Variants in KIF3C observed in about 807,000 individuals in gnomAD.
The protein encoded by KIF3C is kinesin-like protein KIF3C.
A neutral mutation model predicts 67.7 loss-of-function variants in KIF3C; 12 were observed. The observed-to-expected ratio is 0.18, with a 90% CI of 0.11 to 0.29. KIF3C has a LOEUF of 0.29. Ranked by LOEUF, KIF3C falls within the 10% of genes least tolerant of loss-of-function variation. KIF3C has a pLI of 1.00. For synonymous variants in KIF3C, 393 were observed against 426.2 expected, an observed-to-expected ratio of 0.92 and a Z score of 0.96; for missense variants, 789 against 1,059.6, an observed-to-expected ratio of 0.74 and a Z score of 3.55.
intron 5 of KIF3C, among the ~76,000 whole-genome samples, chr2:25,936,356 C>CGT (rs1033160836): frequency 6.6e-6 from 1 of 151,868 alleles, no homozygotes; most frequent in Non-Finnish European, 1.5e-5. Flanking sequence ...TAAGGAAATG[C>CGT]GTGTGTGTGT....
In KIF3C at chr2:25,981,555, C is replaced by A; in HGVS notation, c.363G>T (p.Pro121=). 2 of 1,614,196 alleles carry A rather than the reference C, an allele frequency of 1.2e-6. No individual in the cohort carries two copies. Among genetic ancestry groups the A allele is most frequent in the South Asian group, 1.1e-5 (1 of 91,080 alleles). The change falls in exon 1 of 8, where the codon CCG becomes CCT. Residue 121 remains proline (P), a synonymous_variant. Transcript: ENST00000264712. The surrounding 1 kb of genome is among the most constrained non-coding windows in gnomAD (Gnocchi z 8.2). ...GGGTGAAGATGTGCTCAAAGGCATT[C>A]GGGATGACCCCGCGCAGCTCGGGCT... ...WVEPELRGVI[P]NAFEHIFTHI...
At chr2:25,977,537 G>T (rs981137554) in intron 1 of KIF3C, among the ~76,000 whole-genome samples, 4 of 152,194 alleles carry the variant, frequency 2.6e-5, no homozygotes, top group Non-Finnish European at 4.4e-5. Context: ...CAGCTGGGAT[G>T]GCAGGGTAAA....
intron 1 of KIF3C, among the ~76,000 whole-genome samples, chr2:25,971,716 CTTTTT>C (rs1415235403): frequency 6.6e-6 from 1 of 151,620 alleles, no homozygotes; most frequent in Non-Finnish European, 1.5e-5. Context: ...GTTTCATTTT[CTTTTT>C]TTGTGAGTTG....
chr2:25,964,477 T>A (rs1664092486), intron 1 of KIF3C, among the ~76,000 whole-genome samples: 1 of 152,130 alleles, frequency 6.6e-6, no homozygotes, highest in African/African-American at 2.4e-5. Context: ...ATTTTTCTTT[T>A]TCCATTAGAG....
intron 1 of KIF3C, among the ~76,000 whole-genome samples, chr2:25,977,951 T>C (rs1664458444): frequency 6.6e-6 from 1 of 152,186 alleles, no homozygotes; most frequent in African/African-American, 2.4e-5. Flanking sequence ...ATCATTCCTG[T>C]TGTGGAATTT....
At chr2:25,954,962 T>C (rs1663769059) in intron 3 of KIF3C, among the ~76,000 whole-genome samples, 1 of 152,192 alleles carries the variant, frequency 6.6e-6, no homozygotes, top group African/African-American at 2.4e-5. Context: ...CTGCCAGGCC[T>C]GCCCCTGGGC....
intron 1 of KIF3C, among the ~76,000 whole-genome samples, chr2:25,967,803 G>A (rs60021336): frequency 0.041 from 6,224 of 152,228 alleles, 261 homozygotes; most frequent in African/African-American, 0.11. Context: ...TCCTGCCTAG[G>A]TGACAGAGTG....
chr2:25,965,909 G>C (rs2149239800), intron 1 of KIF3C, among the ~76,000 whole-genome samples: 1 of 152,186 alleles, frequency 6.6e-6, no homozygotes, highest in East Asian at 1.9e-4. Context: ...GCCAGCACAG[G>C]CTGTGGGGGT....
intron 5 of KIF3C, among the ~76,000 whole-genome samples, chr2:25,944,646 C>T (rs1663380849): frequency 6.6e-6 from 1 of 152,116 alleles, no homozygotes; most frequent in African/African-American, 2.4e-5. Context: ...CCACTGTACC[C>T]AGCCTATAAT....
intron 1 of KIF3C, among the ~76,000 whole-genome samples, chr2:25,963,729 G>A (rs1664069439): frequency 1.3e-5 from 2 of 149,838 alleles, no homozygotes; most frequent in Admixed American, 1.3e-4. Flanking sequence ...GTCTCACTTC[G>A]TTGCCCAGGC....
Position 25,981,405 on chromosome 2 carries a change from G to A in KIF3C, c.513C>T (p.Pro171=), listed in dbSNP as rs375651573. The change falls in exon 1 of 8, where the codon CCC becomes CCT. Residue 171 remains proline, a synonymous_variant. Coordinates refer to ENST00000264712, the MANE Select transcript of KIF3C (RefSeq NM_002254.8). The surrounding 1 kb of genome is among the most constrained non-coding windows in gnomAD (Gnocchi z 8.2). ...GGTCCTTGATGTAGACGCCAGTCTC[G>A]GGGTTCTCTTTCAGCTCTAGCCTCT... ...PGKRLELKEN[P]ETGVYIKDLS... is the part of the protein sequence containing the mutation. 506 of 1,614,104 alleles carry A rather than the reference G, an allele frequency of 3.1e-4. No homozygotes were observed. The highest frequency in any genetic ancestry group is 4.1e-4 in the Non-Finnish European group (482 of 1,180,056).
Position 25,946,601 on chromosome 2 carries a change from T to A in KIF3C, c.2006+5188A>T, listed in dbSNP as rs186177882. Reference sequence around the variant, plus strand: ...TACTCAGGAGGCTGAGGCAGTAGAATCACTTGAACCCGGGAGGCGGAGGTT... The same window carrying A: ...TACTCAGGAGGCTGAGGCAGTAGAAACACTTGAACCCGGGAGGCGGAGGTT... On this transcript the variant is annotated intron_variant, in intron 5 of 7. Coordinates refer to ENST00000264712, the MANE Select transcript of KIF3C (RefSeq NM_002254.8). 1.2e-3 allele frequency among the ~76,000 whole-genome samples: 190 copies of A among 152,248 alleles called. 1 individual carries two copies. Among genetic ancestry groups the A allele is most frequent in the Non-Finnish European group, 7.4e-4 (50 of 68,014 alleles).
At chr2:25,949,067 G>A (rs1476762903) in intron 5 of KIF3C, among the ~76,000 whole-genome samples, 5 of 152,098 alleles carry the variant, frequency 3.3e-5, no homozygotes, top group Admixed American at 6.6e-5. Flanking sequence ...TAATAATATT[G>A]TGACAATACA....
At chr2:25,959,607 T>G (rs1242809573) in intron 1 of KIF3C, among the ~76,000 whole-genome samples, 1 of 152,022 alleles carries the variant, frequency 6.6e-6, no homozygotes, top group Non-Finnish European at 1.5e-5. Context: ...ACCCAGCTAA[T>G]TTTTCTATTT....
At chr2:25,937,460 C>T (rs955773300) in intron 5 of KIF3C, among the ~76,000 whole-genome samples, 2 of 152,162 alleles carry the variant, frequency 1.3e-5, no homozygotes, top group East Asian at 1.9e-4. Context: ...TACAGGATGC[C>T]GGGAGGCGTG....
rs375790596 is a variant in KIF3C at position 25,931,414 on chromosome 2, C to T, written c.2007-1351G>A. 3.0e-4 allele frequency among the ~76,000 whole-genome samples: 46 copies of T among 152,080 alleles called. No individual in the cohort carries two copies. In the East Asian group the frequency reaches 6.0e-3, roughly 20 times the overall value. On this transcript the variant is annotated intron_variant, in intron 5 of 7. Transcript: ENST00000264712. Reference sequence around the variant, plus strand: ...CGGAGGTTGTGGTGAGCCAAGATCACGCCATTGCACTCCAGCCTGGGCAAC... The same window carrying T: ...CGGAGGTTGTGGTGAGCCAAGATCATGCCATTGCACTCCAGCCTGGGCAAC...
At position 25,938,928 on chromosome 2, in the gene KIF3C, G is replaced by A. The variant is rs113034024; in HGVS notation, c.2007-8865C>T. On this transcript the variant is annotated intron_variant, in intron 5 of 7. Transcript: ENST00000264712. ...AAGTCATCTCTCAGCTCCATCTCAGGGGTTGACATCATTCTCTTTCCTGGC... is the reference window on the plus strand; with the variant it reads ...AAGTCATCTCTCAGCTCCATCTCAGAGGTTGACATCATTCTCTTTCCTGGC... 2.3e-3 allele frequency among the ~76,000 whole-genome samples: 345 copies of A among 152,002 alleles called. 1 individual carries two copies. Among genetic ancestry groups the A allele is most frequent in the Middle Eastern group, 6.8e-3 (2 of 294 alleles).
At chr2:25,939,017 C>T (rs554926257) in intron 5 of KIF3C, among the ~76,000 whole-genome samples, 1 of 152,186 alleles carries the variant, frequency 6.6e-6, no homozygotes, top group Admixed American at 6.6e-5. Context: ...TCTCTCCCTC[C>T]CTTCCTCACT....
At chr2:25,956,303 G>T in intron 2 of KIF3C, 40 bp downstream of exon 2, 1 of 1,461,412 alleles carries the variant, frequency 6.8e-7, no homozygotes, top group Non-Finnish European at 9.6e-7. Context: ...TGAGCTGCAG[G>T]CCACACTCTC....
Sources: allele counts gnomAD v4.1 joint callset (sites outside exome capture counted in the v4.1 genomes callset), GRCh38; gene constraint gnomAD v4.1.1; non-coding constraint Gnocchi (gnomAD v3.1); transcripts MANE v1.5; gene names NCBI Gene and HGNC (gene_info 2026-07-23, HGNC 2026-07-21).